The following KCNIP4 variants were observed in gnomAD, a reference collection of about 807,000 sequenced individuals.
KCNIP4 encodes Kv channel-interacting protein 4.
A neutral mutation model predicts 34.0 loss-of-function variants in KCNIP4; 12 were observed. The observed-to-expected ratio is 0.35, with a 90% CI of 0.23 to 0.57. KCNIP4 has a LOEUF of 0.57. Ranked by LOEUF, KCNIP4 falls within the 20% of genes least tolerant of loss-of-function variation. KCNIP4 has a pLI of 0.83. For synonymous variants in KCNIP4, 124 were observed against 102.2 expected, an observed-to-expected ratio of 1.21 and a Z score of -1.29; for missense variants, 238 against 311.7, an observed-to-expected ratio of 0.76 and a Z score of 1.78.
chr4:20,857,254 C>T (rs991764346), intron 2 of KCNIP4, among the ~76,000 whole-genome samples: 5 of 152,220 alleles, frequency 3.3e-5, no homozygotes, highest in Admixed American at 2.0e-4. Flanking sequence ...ACCCAATCAA[C>T]TCTGATTCTT....
At chr4:21,121,522 C>T (rs975226360) in intron 1 of KCNIP4, among the ~76,000 whole-genome samples, 2 of 152,150 alleles carry the variant, frequency 1.3e-5, no homozygotes, top group African/African-American at 4.8e-5. Context: ...GACTGCATGC[C>T]TTCTCATTTG....
intron 1 of KCNIP4, among the ~76,000 whole-genome samples, chr4:21,916,117 A>G (rs1728616818): frequency 6.6e-6 from 1 of 152,224 alleles, no homozygotes; most frequent in African/African-American, 2.4e-5. Flanking sequence ...CTGGACCAAC[A>G]TAATATCAAG....
intron 1 of KCNIP4, among the ~76,000 whole-genome samples, chr4:21,326,283 G>T (rs1412739241): frequency 2.5e-5 from 3 of 121,476 alleles, no homozygotes; most frequent in African/African-American, 1.1e-4. Flanking sequence ...TCTAGAGTTG[G>T]ATATACATAT....
chr4:21,596,275 TG>T (rs1742636224), intron 1 of KCNIP4, among the ~76,000 whole-genome samples: 3 of 152,164 alleles, frequency 2.0e-5, no homozygotes. Context: ...TGAATTCTAA[TG>T]GGCAAATATT....
intron 1 of KCNIP4, among the ~76,000 whole-genome samples, chr4:21,422,226 C>T (rs1221736103): frequency 6.8e-6 from 1 of 147,612 alleles, no homozygotes; most frequent in Non-Finnish European, 1.5e-5. Context: ...GACGGAGTCT[C>T]GCTTTGTCGC....
chr4:20,994,192 T>G (rs576573573), intron 1 of KCNIP4, among the ~76,000 whole-genome samples: 6 of 152,268 alleles, frequency 3.9e-5, no homozygotes, highest in African/African-American at 1.4e-4. Context: ...AATTCCTGGG[T>G]TTAGGATATG....
rs932925357 is a variant in KCNIP4 at position 21,906,767 on chromosome 4, C to G, written c.61+41804G>C. On this transcript the variant is annotated intron_variant, in intron 1 of 8. Coordinates refer to ENST00000382152, the MANE Select transcript of KCNIP4 (RefSeq NM_025221.6). ...CTATAAAAGCTATCTGCATACCCTG[C>G]CCTGATAACATCTAAATGTGATATT... Among the ~76,000 whole-genome samples the G allele has an allele frequency of 4.6e-5, 7 of 152,226 alleles. No individual in the cohort carries two copies. The East Asian group carries it at 1.4e-3, about 29-fold the overall frequency.
At chr4:21,290,914 A>T (rs1308518463) in intron 1 of KCNIP4, among the ~76,000 whole-genome samples, 1 of 152,212 alleles carries the variant, frequency 6.6e-6, no homozygotes, top group Admixed American at 6.5e-5. Context: ...TAAGCACTTC[A>T]TGTCTATTAA....
intron 1 of KCNIP4, among the ~76,000 whole-genome samples, chr4:21,560,858 C>T (rs1264345814): frequency 6.6e-6 from 1 of 151,960 alleles, no homozygotes; most frequent in Non-Finnish European, 1.5e-5. Context: ...AAGTACAATA[C>T]TGTGTGCTGT....
intron 1 of KCNIP4, among the ~76,000 whole-genome samples, chr4:21,060,550 A>G (rs1321841041): frequency 2.0e-5 from 3 of 152,198 alleles, no homozygotes; most frequent in African/African-American, 7.2e-5. Flanking sequence ...TTTCAAGTGC[A>G]GAGTAATACT....
At chr4:21,116,872 T>C (rs1749718731) in intron 1 of KCNIP4, among the ~76,000 whole-genome samples, 1 of 152,204 alleles carries the variant, frequency 6.6e-6, no homozygotes, top group Admixed American at 6.5e-5. Flanking sequence ...AAAATATAAT[T>C]CTATCCAGCA....
rs192707982 is a variant in KCNIP4 at position 20,752,360 on chromosome 4, T to C, written c.359-2628A>G. 2.3e-3 allele frequency among the ~76,000 whole-genome samples: 355 copies of C among 152,212 alleles called. 8 individuals are homozygous for C. The South Asian group carries it at 0.046, about 20-fold the overall frequency. On this transcript the variant is annotated intron_variant, in intron 4 of 8. Transcript: ENST00000382152. Reference sequence around the variant, plus strand: ...AGGTGTGAGCCACCATGCCCAGCCTTCATAGAGATCTTACTAAGTTTAAAT... The same window carrying C: ...AGGTGTGAGCCACCATGCCCAGCCTCCATAGAGATCTTACTAAGTTTAAAT...
chr4:20,879,194 G>C (rs1405034789), intron 2 of KCNIP4, among the ~76,000 whole-genome samples: 26 of 152,150 alleles, frequency 1.7e-4, no homozygotes, highest in Admixed American at 1.7e-3. Context: ...TCACAGCCAA[G>C]GTACTGCTGA....
At chr4:21,891,234 G>A (rs1727074321) in intron 1 of KCNIP4, among the ~76,000 whole-genome samples, 1 of 151,962 alleles carries the variant, frequency 6.6e-6, no homozygotes, top group African/African-American at 2.4e-5. Flanking sequence ...TAGAATTCAG[G>A]GTATGCTTAA....
chr4:21,407,333 T>C (rs1724079044), intron 1 of KCNIP4, among the ~76,000 whole-genome samples: 1 of 152,082 alleles, frequency 6.6e-6, no homozygotes, highest in Non-Finnish European at 1.5e-5. Flanking sequence ...CAAAGTAACT[T>C]CCCTCTATAT....
intron 1 of KCNIP4, among the ~76,000 whole-genome samples, chr4:21,193,363 T>C (rs1487890815): frequency 6.6e-6 from 1 of 152,138 alleles, no homozygotes; most frequent in African/African-American, 2.4e-5. Flanking sequence ...TAAGTGTGGA[T>C]GTAAAATATA....
intron 1 of KCNIP4, among the ~76,000 whole-genome samples, chr4:21,129,854 T>A (rs1750925794): frequency 1.3e-5 from 2 of 151,610 alleles, no homozygotes; most frequent in South Asian, 4.2e-4. Flanking sequence ...GTGTCATAAG[T>A]TGAGATAATG....
chr4:21,522,229 T>C (rs1376420443), intron 1 of KCNIP4, among the ~76,000 whole-genome samples: 2 of 151,820 alleles, frequency 1.3e-5, no homozygotes, highest in Non-Finnish European at 2.9e-5. Context: ...CTTCAGAGAC[T>C]CCAGGAAAAA....
chr4:20,998,480 A>G lies in KCNIP4; in HGVS notation c.62-115771T>C, dbSNP rs147143100. The stretch of plus-strand genomic sequence containing the variant: ...ATCTACAATAAAAGTCTATAGCCAC[A>G]CTATTGATTACCTATAAGGGAAAAC... On this transcript the variant is annotated intron_variant, in intron 1 of 8. Coordinates refer to ENST00000382152, the MANE Select transcript of KCNIP4 (RefSeq NM_025221.6). Among the ~76,000 whole-genome samples the G allele has an allele frequency of 1.2e-3, 176 of 152,330 alleles. 1 individual carries two copies. Among genetic ancestry groups the G allele is most frequent in the Non-Finnish European group, 2.1e-3 (143 of 68,026 alleles).
Sources: allele counts gnomAD v4.1 joint callset (sites outside exome capture counted in the v4.1 genomes callset), GRCh38; gene constraint gnomAD v4.1.1; transcripts MANE v1.5; gene names NCBI Gene and HGNC (gene_info 2026-07-23, HGNC 2026-07-21).